The following EPHA3 variants were observed in gnomAD, a reference collection of about 807,000 sequenced individuals.
EPHA3 encodes ephrin type-A receptor 3.
In EPHA3, 42 loss-of-function variants were observed where a neutral mutation model predicts 107.1. The observed-to-expected ratio is 0.39, with a 90% CI of 0.31 to 0.51. The LOEUF (loss-of-function observed/expected upper bound fraction) is 0.51. Among genes scored for constraint, EPHA3 ranks in the 20% least tolerant of loss-of-function variants. EPHA3 has a pLI of 0.78. For missense variants in EPHA3, 1,183 were observed against 1,211.2 expected (o/e 0.98, Z 0.35); for synonymous variants, 461 against 424.8 (o/e 1.09, Z -1.05).
intron 3 of EPHA3, among the ~76,000 whole-genome samples, chr3:89,338,194 A>T (rs1292149025): frequency 2.6e-5 from 4 of 152,244 alleles, no homozygotes; most frequent in Non-Finnish European, 5.9e-5. Context: ...GAGCAAAATC[A>T]GGATTCTGCT....
chr3:89,288,089 A>T (rs76566573), intron 3 of EPHA3, among the ~76,000 whole-genome samples: 2 of 152,068 alleles, frequency 1.3e-5, no homozygotes, highest in Non-Finnish European at 2.9e-5. Flanking sequence ...ATAAAAGATG[A>T]TTACTCATCA....
chr3:89,342,359 T>C (rs577926987), intron 5 of EPHA3, among the ~76,000 whole-genome samples: 1 of 152,232 alleles, frequency 6.6e-6, no homozygotes, highest in East Asian at 1.9e-4. Flanking sequence ...CAGATAGTAG[T>C]AGAGGGGCTC....
At chr3:89,241,001 A>G (rs1224108200) in intron 3 of EPHA3, among the ~76,000 whole-genome samples, 1 of 152,236 alleles carries the variant, frequency 6.6e-6, no homozygotes. Flanking sequence ...TTATAAACGT[A>G]TAATTTATCT....
intron 15 of EPHA3, among the ~76,000 whole-genome samples, chr3:89,467,573 G>A (rs956954210): frequency 6.6e-6 from 1 of 152,110 alleles, no homozygotes; most frequent in Admixed American, 6.5e-5. Context: ...ATTACCCGAA[G>A]ATATTCCTGG....
At chr3:89,241,399 A>G (rs368392562) in intron 3 of EPHA3, among the ~76,000 whole-genome samples, 2 of 152,286 alleles carry the variant, frequency 1.3e-5, no homozygotes, top group African/African-American at 4.8e-5. Context: ...AATTTACTAT[A>G]GTGGTGGTGA....
At chr3:89,224,490 T>C (rs1452429433) in intron 3 of EPHA3, among the ~76,000 whole-genome samples, 1 of 152,184 alleles carries the variant, frequency 6.6e-6, no homozygotes, top group Non-Finnish European at 1.5e-5. Flanking sequence ...TTTTTATTTC[T>C]GAAGAAGGAA....
chr3:89,262,940 C>T (rs1705451653), intron 3 of EPHA3, among the ~76,000 whole-genome samples: 1 of 150,584 alleles, frequency 6.6e-6, no homozygotes, highest in African/African-American at 2.4e-5. Flanking sequence ...CTTCCGAAGT[C>T]CCCGAGGGCA....
At chr3:89,283,450 A>G (rs1705996765) in intron 3 of EPHA3, among the ~76,000 whole-genome samples, 1 of 152,148 alleles carries the variant, frequency 6.6e-6, no homozygotes, top group African/African-American at 2.4e-5. Context: ...GAAAAACTGA[A>G]TTACGTATTT....
intron 3 of EPHA3, among the ~76,000 whole-genome samples, chr3:89,246,710 T>C (rs1705041632): frequency 6.6e-6 from 1 of 152,230 alleles, no homozygotes; most frequent in African/African-American, 2.4e-5. Context: ...TTGATAGAAA[T>C]ATGTATAATA....
chr3:89,302,717 G>T (rs1284337933), intron 3 of EPHA3, among the ~76,000 whole-genome samples: 1 of 151,856 alleles, frequency 6.6e-6, no homozygotes, highest in Non-Finnish European at 1.5e-5. Flanking sequence ...TAGAATCCTT[G>T]CTTGCTAATA....
rs1336098918 is a variant in EPHA3 at position 89,273,263 on chromosome 3, G to A, written c.814+62743G>A. 2.6e-5 allele frequency among the ~76,000 whole-genome samples: 4 copies of A among 151,958 alleles called. No individual in the cohort carries two copies. In the South Asian group the frequency reaches 8.3e-4, roughly 32 times the overall value. ...ATGCTTGTAAATACCTAAAAAGGAG[G>A]TACAAGTGACATAAAGTAAAAAACC... On this transcript the variant is annotated intron_variant, in intron 3 of 16. Transcript: ENST00000336596.
At chr3:89,390,469 C>T (rs1417197847) in intron 5 of EPHA3, among the ~76,000 whole-genome samples, 1 of 151,778 alleles carries the variant, frequency 6.6e-6, no homozygotes, top group Non-Finnish European at 1.5e-5. Flanking sequence ...GCATGGTGGC[C>T]TTCGCCTGTA....
chr3:89,266,177 A>T (rs549076879), intron 3 of EPHA3, among the ~76,000 whole-genome samples: 1 of 152,278 alleles, frequency 6.6e-6, no homozygotes, highest in Non-Finnish European at 1.5e-5. Context: ...TATTCATAAA[A>T]ATTCTATGAA....
intron 4 of EPHA3, 74 bp downstream of exon 4, chr3:89,341,145 G>A (rs1707512106): frequency 1.4e-6 from 2 of 1,470,784 alleles, no homozygotes; most frequent in East Asian, 2.5e-5. Context: ...GTTTGTTTTT[G>A]TTTTAAAGCA....
Position 89,449,296 on chromosome 3 carries a change from T to C in EPHA3, c.2418T>C (p.Asp806=), listed in dbSNP as rs1709940528. 1.9e-6 allele frequency: 3 copies of C among 1,612,962 alleles called. No homozygotes were observed. The highest frequency in any genetic ancestry group is 2.5e-6 in the Non-Finnish European group (3 of 1,179,276). The part of the protein sequence containing the change: ...IAYRKFTSAS[D]VWSYGIVLWE... Reference sequence around the variant, plus strand: ...ACCGCAAGTTCACGTCAGCCAGCGATGTATGGAGTTATGGGATTGTTCTCT... The same window carrying C: ...ACCGCAAGTTCACGTCAGCCAGCGACGTATGGAGTTATGGGATTGTTCTCT... The change falls in exon 14 of 17, where the codon GAT becomes GAC. Residue 806 remains aspartate, a synonymous_variant. Transcript: ENST00000336596.
intron 3 of EPHA3, among the ~76,000 whole-genome samples, chr3:89,316,629 GAGGAAAAGTTCTCTTTTA>G (rs1304755597): frequency 6.7e-6 from 1 of 149,618 alleles, no homozygotes; most frequent in East Asian, 2.0e-4. Context: ...TTGAAAGCAG[GAGGAAAAGTTCTCTTTTA>G]AATATGCTAC....
intron 2 of EPHA3, among the ~76,000 whole-genome samples, chr3:89,171,606 T>C (rs928456318): frequency 1.3e-5 from 2 of 152,132 alleles, no homozygotes; most frequent in Non-Finnish European, 2.9e-5. Context: ...CTATAACTTA[T>C]TCAGGATTGC....
intron 15 of EPHA3, among the ~76,000 whole-genome samples, chr3:89,471,973 C>A (rs1710411860): frequency 6.6e-6 from 1 of 151,922 alleles, no homozygotes; most frequent in South Asian, 2.1e-4. Flanking sequence ...TTATGTCCTG[C>A]TGTGAGTGTA....
chr3:89,147,478 T>G (rs888357406), intron 2 of EPHA3, among the ~76,000 whole-genome samples: 1 of 151,822 alleles, frequency 6.6e-6, no homozygotes, highest in Non-Finnish European at 1.5e-5. Context: ...AAAAGGAAAT[T>G]TGTGCTAATT....
Sources: allele counts gnomAD v4.1 joint callset (sites outside exome capture counted in the v4.1 genomes callset), GRCh38; gene constraint gnomAD v4.1.1; transcripts MANE v1.5; gene names NCBI Gene and HGNC (gene_info 2026-07-23, HGNC 2026-07-21).